Variants in TMEM209 observed in about 807,000 individuals in gnomAD.
TMEM209 encodes testicular tissue protein Li 202.
TMEM209 carries 65 observed loss-of-function variants against 76.2 expected under a neutral mutation model. That is an observed-to-expected ratio of 0.85 (90% confidence interval 0.70 to 1.05). The LOEUF is 1.05. Among genes scored for constraint, TMEM209 ranks in the 50% least tolerant of loss-of-function variants. The pLI is 0.00. For missense variants in TMEM209, 623 were observed against 685.5 expected (o/e 0.91, Z 1.02); for synonymous variants, 239 against 237.6 (o/e 1.01, Z -0.06).
At chr7:130,178,347 A>G in intron 10 of TMEM209, 55 bp downstream of exon 10, 2 of 1,489,734 alleles carry the variant, frequency 1.3e-6, no homozygotes, top group Non-Finnish European at 1.8e-6. Flanking sequence ...TTCACTGATA[A>G]AATTCCAGCA....
Position 130,178,498 on chromosome 7 carries a change from C to A in TMEM209, c.1150G>T (p.Ala384Ser), listed in dbSNP as rs2116985833. The A allele has an allele frequency of 6.2e-7, 1 of 1,613,754 alleles. No individual in the cohort carries two copies. Among genetic ancestry groups the A allele is most frequent in the Non-Finnish European group, 8.5e-7 (1 of 1,179,774 alleles). The part of the protein sequence containing the change: ...EASITSLKQA[A>S]LVKAPLIPTL... ...GGAATGAGAGGCGCTTTAACCAGGGCAGCTTGTTTCAAGCTAGTAATACTA... is the reference window on the plus strand; with the variant it reads ...GGAATGAGAGGCGCTTTAACCAGGGAAGCTTGTTTCAAGCTAGTAATACTA... Residue 384 changes from alanine to serine, a missense_variant, in exon 10 of 15, where the codon GCC (alanine) becomes TCC (serine). Physicochemically the swap from Ala to Ser is moderately conservative, Grantham distance 99. Transcript: ENST00000397622.
intron 5 of TMEM209, among the ~76,000 whole-genome samples, chr7:130,197,580 T>C (rs1219194941): frequency 1.3e-5 from 2 of 152,208 alleles, no homozygotes; most frequent in Non-Finnish European, 2.9e-5. Context: ...TACTGAACTA[T>C]GCACTTAAAA....
At chr7:130,205,104 A>T in intron 1 of TMEM209, 1 of 1,412,978 alleles carries the variant, frequency 7.1e-7, no homozygotes, top group Non-Finnish European at 9.2e-7. Context: ...TGTTCCAGCG[A>T]CAAGCAGTCG....
chr7:130,190,894 G>A (rs1229224947), intron 6 of TMEM209, among the ~76,000 whole-genome samples: 4 of 151,910 alleles, frequency 2.6e-5, no homozygotes, highest in Non-Finnish European at 5.9e-5. Context: ...CTACTCAGGA[G>A]GCTGAGGTGG....
chr7:130,201,706 T>C (rs1798207130), intron 5 of TMEM209, 144 bp downstream of exon 5: 3 of 983,900 alleles, frequency 3.0e-6, no homozygotes, highest in Admixed American at 2.9e-5. Context: ...TAAGATATTA[T>C]GTTCTATTCT....
rs116268969 is a variant in TMEM209, at chr7:130,173,521, C to T, written c.1557+111G>A. On this transcript the variant is annotated intron_variant, in intron 13 of 14. Transcript: ENST00000397622. ...AATATATATGTAGGAAACACATTTCCAATTTAAAAAATTTACTTCTTCTAT... is the reference window on the plus strand; with the variant it reads ...AATATATATGTAGGAAACACATTTCTAATTTAAAAAATTTACTTCTTCTAT... 1.8e-4 allele frequency: 133 copies of T among 753,404 alleles called. 1 individual carries two copies. The African/African-American group carries it at 2.1e-3, about 12-fold the overall frequency. 46.7% of individuals were successfully genotyped at this position (753,404 alleles called of 1,614,324 possible). A position where few individuals can be genotyped will look rare whatever the true frequency, so the allele number is the denominator to read the frequency against.
At chr7:130,188,595 CAAA>C (rs10649977) in intron 6 of TMEM209, among the ~76,000 whole-genome samples, 9 of 72,702 alleles carry the variant, frequency 1.2e-4, no homozygotes, top group Non-Finnish European at 2.0e-4. Context: ...GACTCCGTAT[CAAA>C]AAAAAAAAAA....
chr7:130,196,629 T>C lies in TMEM209; in HGVS notation c.574-3806A>G, dbSNP rs553866291. Reference sequence around the variant, plus strand: ...TAAGTGAGGTCATTGGAGTGGGGCCTTGTTCTGACAGGCTCAGTGCCATAT... The same window carrying C: ...TAAGTGAGGTCATTGGAGTGGGGCCCTGTTCTGACAGGCTCAGTGCCATAT... On this transcript the variant is annotated intron_variant, in intron 5 of 14. Transcript: ENST00000397622. Among the ~76,000 whole-genome samples, 5 of 152,278 alleles carry C rather than the reference T, an allele frequency of 3.3e-5. No individual in the cohort carries two copies. The South Asian group carries it at 1.0e-3, about 32-fold the overall frequency.
At chr7:130,199,600 A>C (rs917493356) in intron 5 of TMEM209, among the ~76,000 whole-genome samples, 1 of 152,152 alleles carries the variant, frequency 6.6e-6, no homozygotes. Flanking sequence ...GGTAAAAAAA[A>C]CTCAACTCAT....
intron 8 of TMEM209, among the ~76,000 whole-genome samples, chr7:130,183,388 ATC>A (rs1419386935): frequency 2.6e-5 from 4 of 152,214 alleles, no homozygotes; most frequent in African/African-American, 9.6e-5. Context: ...TTCAGGAATT[ATC>A]CATAAAATGC....
chr7:130,166,541 T>G, intron 14 of TMEM209, 36 bp from the exon 15 acceptor site: 1 of 1,413,568 alleles, frequency 7.1e-7, no homozygotes. Context: ...TAGAATTGGT[T>G]GCCAAGCATT....
intron 4 of TMEM209, 63 bp from the exon 5 acceptor site, chr7:130,202,154 A>G: frequency 1.3e-6 from 2 of 1,527,618 alleles, no homozygotes; most frequent in Non-Finnish European, 1.8e-6. Context: ...ACGAAAATAT[A>G]TTTAAGCAAC....
At position 130,203,950 on chromosome 7, in the gene TMEM209, C is replaced by CT. The variant is rs772382888; in HGVS notation, c.140+23dup. On this transcript the variant is annotated intron_variant, in intron 2 of 14. Transcript: ENST00000397622. ...CAGCCACTGGCTTCTTAAAGTTTCA[C>CT]TTTTTTTGGACTGATTCACTTACAT... 28 of 1,607,576 alleles carry CT rather than the reference C, an allele frequency of 1.7e-5. No individual in the cohort carries two copies. In the African/African-American group the frequency reaches 3.1e-4, roughly 18 times the overall value.
rs1797206744 is a variant in TMEM209 at position 130,175,561 on chromosome 7, C to T, written c.1295G>A (p.Gly432Asp). 1.2e-6 allele frequency: 2 copies of T among 1,613,394 alleles called. No individual in the cohort carries two copies. Among genetic ancestry groups the T allele is most frequent in the Non-Finnish European group, 1.7e-6 (2 of 1,179,716 alleles). The change falls in exon 11 of 15, where the codon GGC (glycine) becomes GAC (aspartate). Residue 432 changes from glycine to aspartate, a missense_variant. Transcript: ENST00000397622. Reference protein sequence around the residue: ...CMSSFRWNRGGDFKGRKWDTD... With the variant: ...CMSSFRWNRGDDFKGRKWDTD... ...ATCCCACTTTCGTCCTTTGAAGTCG[C>T]CACCTCTGTTCCATCGAAATGAGCT...
intron 10 of TMEM209, among the ~76,000 whole-genome samples, chr7:130,176,368 G>T (rs1797237900): frequency 6.6e-6 from 1 of 151,288 alleles, no homozygotes; most frequent in Admixed American, 6.6e-5. Context: ...TGATCCATCT[G>T]CCTGGGCCTC....
At chr7:130,198,993 AT>A (rs1016061354) in intron 5 of TMEM209, among the ~76,000 whole-genome samples, 1 of 152,118 alleles carries the variant, frequency 6.6e-6, no homozygotes, top group Non-Finnish European at 1.5e-5. Context: ...TTCCAATACA[AT>A]TGTGTTTATT....
intron 1 of TMEM209, 146 bp downstream of exon 1, chr7:130,205,227 T>C: frequency 6.3e-7 from 1 of 1,594,290 alleles, no homozygotes; most frequent in Non-Finnish European, 8.5e-7. Flanking sequence ...GCAACCCTAT[T>C]GCTTCTTTCT....
chr7:130,177,013 G>C (rs190547081), intron 10 of TMEM209, among the ~76,000 whole-genome samples: 2 of 128,492 alleles, frequency 1.6e-5, no homozygotes, highest in African/African-American at 3.0e-5. Flanking sequence ...CTGGGTGACA[G>C]AGCGAGCCGG....
Position 130,185,340 on chromosome 7 carries a change from C to T in TMEM209, c.803G>A (p.Ser268Asn), listed in dbSNP as rs746165590. Residue 268 changes from serine (S) to asparagine (N), a missense_variant, in exon 7 of 15, where the codon AGC (serine) becomes AAC (asparagine). Physicochemically the swap from Ser to Asn is conservative, Grantham distance 46. Transcript: ENST00000397622. ...LGSPDSTSPS[S>N]SPTFWNYSRS... is the part of the protein sequence containing the mutation. ...ACTATAGTTCCAGAAAGTAGGACTG[C>T]TGGAAGGAGAGGTAGAATCTGGGCT... is the stretch of plus-strand genomic sequence containing the variant. The T allele has an allele frequency of 1.2e-6, 2 of 1,613,732 alleles. No homozygotes were observed. Among genetic ancestry groups the T allele is most frequent in the African/African-American group, 1.3e-5 (1 of 75,026 alleles).
Sources: gnomAD v4.1 joint callset for allele counts (sites outside exome capture counted in the v4.1 genomes callset) on GRCh38, gnomAD v4.1.1 for gene constraint, MANE v1.5 for transcripts, NCBI Gene and HGNC (gene_info 2026-07-23, HGNC 2026-07-21) for gene names.